TRIM64C: variants seen among roughly 807,000 people sequenced by gnomAD.
TRIM64C encodes the protein tripartite motif-containing protein 64C.
Under a neutral mutation model 36.1 loss-of-function variants are expected in TRIM64C, and 25 were observed. The ratio of observed to expected loss-of-function variants is 0.69; its 90% CI spans 0.51 to 0.97. The LOEUF (loss-of-function observed/expected upper bound fraction) is 0.97, where lower values mean the gene tolerates loss of function less well. TRIM64C is among the 50% of genes least tolerant of loss of function. TRIM64C has a pLI of 0.00. For synonymous variants in TRIM64C, 212 were observed against 185.7 expected (o/e 1.14, Z -1.15); for missense variants, 489 against 536.8 (o/e 0.91, Z 0.88).
chr11:49,058,281 A>G (rs1266162948), intron 1 of TRIM64C, 109 bp from the exon 2 acceptor site: 2 of 803,214 alleles, frequency 2.5e-6, no homozygotes, highest in Non-Finnish European at 3.8e-6. Context: ...GTTAGAGTGG[A>G]GTGGTCAGAT....
At chr11:49,054,318 C>G in intron 5 of TRIM64C, 111 bp from the exon 6 acceptor site, 1 of 1,276,196 alleles carries the variant, frequency 7.8e-7, no homozygotes, top group South Asian at 1.6e-5. Context: ...AAAAAGGAAA[C>G]CAAGAGAGTT....
Position 49,057,316 on chromosome 11 carries a change from G to A in TRIM64C, c.570C>T (p.Leu190=), listed in dbSNP as rs546082510. 1.7e-5 allele frequency: 27 copies of A among 1,549,524 alleles called. No homozygotes were observed. The highest frequency in any genetic ancestry group is 1.1e-4 in the African/African-American group (8 of 72,506). ...TIQYQKMHIF[L]DEEEQRHLQA... is the part of the protein sequence containing the mutation. ...GCAGATGCCGTTGCTCCTCCTCATCGAGAAATATATGCATCTTTTGATACT... is the reference window on the plus strand; with the variant it reads ...GCAGATGCCGTTGCTCCTCCTCATCAAGAAATATATGCATCTTTTGATACT... Residue 190 remains leucine, a synonymous_variant, in exon 3 of 6, where the codon CTC becomes CTT. Transcript: ENST00000617704.
In TRIM64C at chr11:49,053,756, G is replaced by A. The variant is rs1007201581; in HGVS notation, c.1311C>T (p.Phe437=). The A allele has an allele frequency of 1.7e-5, 27 of 1,549,622 alleles. No individual in the cohort carries two copies. The highest frequency in any genetic ancestry group is 2.1e-5 in the Non-Finnish European group (24 of 1,146,336). Reference sequence around the variant, plus strand: ...AAAAGAAAGGCCTCAGAGGGGAAGAGAAGGAGGAAGGAGGAAAACCATAGA... The same window carrying A: ...AAAAGAAAGGCCTCAGAGGGGAAGAAAAGGAGGAAGGAGGAAAACCATAGA... ...SLIYGFPPSS[F]SSPLRPFFCF... The change falls in exon 6 of 6, where the codon TTC becomes TTT. Residue 437 remains phenylalanine, a synonymous_variant. Transcript: ENST00000617704.
Position 49,058,811 on chromosome 11 carries a change from A to G in TRIM64C, c.302T>C (p.Leu101Pro). 6.5e-7 allele frequency: 1 copy of G among 1,549,128 alleles called. No individual in the cohort carries two copies. Among genetic ancestry groups the G allele is most frequent in the Non-Finnish European group, 8.7e-7 (1 of 1,146,826 alleles). Residue 101 changes from leucine to proline, a missense_variant, in exon 1 of 6, where the codon CTC becomes CCC. Leu to Pro is a moderately conservative substitution (Grantham distance 98, BLOSUM62 -3). Transcript: ENST00000617704. Reference protein sequence around the residue: ...ICVLHEETKELFCEADKRLLC... With the variant: ...ICVLHEETKEPFCEADKRLLC... The stretch of plus-strand genomic sequence containing the variant: ...CAATCTCTTGTCAGCCTCACAGAAG[A>G]GCTCCTTAGTCTCCTCATGGAGCAC...
In TRIM64C at chr11:49,053,961, A is replaced by T. The variant is rs1327232520; in HGVS notation, c.1106T>A (p.Val369Asp). 1 of 1,551,612 alleles carries T rather than the reference A, an allele frequency of 6.4e-7. No homozygotes were observed. The highest frequency in any genetic ancestry group is 1.2e-5 in the South Asian group (1 of 84,058). Residue 369 changes from valine (V) to aspartate (D), a missense_variant, in exon 6 of 6, where the codon GTT (valine) becomes GAT (aspartate). By Grantham distance (152) the Val-to-Asp change is radical. Coordinates refer to ENST00000617704, the MANE Select transcript of TRIM64C (RefSeq NM_001206631.1). ...RDSRTADTNI[V>D]IDSDKTFFSI... is the part of the protein sequence containing the mutation. ...AAAAAATGTTTTGTCAGAATCAATA[A>T]CTATATTGGTATCTGCTGTCCTAGA...
rs1554971367 is a variant in TRIM64C, at chr11:49,055,411, C to CCA, written c.762-5_762-4insTG. ...TGGCATCTGTGCCAAATCAGTTCTG[C>CCA]AAAAAAAAAATGGCCTCAGTTATAT... On this transcript the variant is annotated splice_region_variant and splice_polypyrimidine_tract_variant and intron_variant, in intron 4 of 5. Transcript: ENST00000617704. 1.3e-5 allele frequency: 19 copies of CCA among 1,409,912 alleles called. No individual in the cohort carries two copies. Among genetic ancestry groups the CCA allele is most frequent in the African/African-American group, 2.9e-5 (2 of 69,208 alleles). The allele number at this position is 1,409,912 out of a possible 1,614,324, so 87.3% of individuals were successfully genotyped here.
chr11:49,054,017 G>A lies in TRIM64C; in HGVS notation c.1050C>T (p.Ser350=). ...GACAGACTCCCAGAATCCAGTTGGAGGAGTGGGTCACATCCACTTCCCAGT... is the reference window on the plus strand; with the variant it reads ...GACAGACTCCCAGAATCCAGTTGGAAGAGTGGGTCACATCCACTTCCCAGT... ...KHYWEVDVTH[S]SNWILGVCRD... is the part of the protein sequence containing the mutation. Residue 350 remains serine (S), a synonymous_variant, in exon 6 of 6, where the codon TCC becomes TCT. Transcript: ENST00000617704. The A allele has an allele frequency of 6.4e-7, 1 of 1,551,598 alleles. No homozygotes were observed.
In TRIM64C at chr11:49,053,850, C is replaced by T. The variant is rs1310349366; in HGVS notation, c.1217G>A (p.Trp406Ter). ...ATCATAATCCAGAAACACCCCAACC[C>T]AACCCAGAGGCCTTTGCACATACTG... ...LIQYVQRPLG[W>*]VGVFLDYDNG... The change falls in exon 6 of 6, where the codon TGG (tryptophan) becomes TAG (stop). Residue 406 changes from tryptophan (W) to a stop codon, truncating the protein, a stop_gained. Coordinates refer to ENST00000617704, the MANE Select transcript of TRIM64C (RefSeq NM_001206631.1). LOFTEE classifies it low-confidence loss of function (END_TRUNC). The T allele has an allele frequency of 6.4e-7, 1 of 1,551,764 alleles. No individual in the cohort carries two copies. Among genetic ancestry groups the T allele is most frequent in the East Asian group, 2.4e-5 (1 of 40,910 alleles).
In TRIM64C at chr11:49,056,395, A is replaced by T. The variant is rs770788846; in HGVS notation, c.739-14T>A. The T allele has an allele frequency of 2.0e-6, 3 of 1,533,886 alleles. No homozygotes were observed. The highest frequency in any genetic ancestry group is 1.2e-5 in the South Asian group (1 of 83,122). Reference sequence around the variant, plus strand: ...ATTTCCCACATCCTGCAAAAAAAATAAAATGTAATGTTAATTATGAGAGAT... The same window carrying T: ...ATTTCCCACATCCTGCAAAAAAAATTAAATGTAATGTTAATTATGAGAGAT... On this transcript the variant is annotated splice_polypyrimidine_tract_variant and intron_variant, in intron 3 of 5. Transcript: ENST00000617704.
chr11:49,054,221 A>T lies in TRIM64C; in HGVS notation c.860-14T>A. On this transcript the variant is annotated splice_polypyrimidine_tract_variant and intron_variant, in intron 5 of 5. Transcript: ENST00000617704. ...GAGCATTATCCACTGACAAGGAAAA[A>T]ATATTATATTAGTGAGTGCTATGAG... 4 of 1,549,836 alleles carry T rather than the reference A, an allele frequency of 2.6e-6. No homozygotes were observed. The highest frequency in any genetic ancestry group is 3.5e-6 in the Non-Finnish European group (4 of 1,146,006).
rs537045579 is a variant in TRIM64C at position 49,058,962 on chromosome 11, G to T, written c.151C>A (p.Arg51Ser). 2.6e-6 allele frequency: 4 copies of T among 1,551,266 alleles called. No homozygotes were observed. Among genetic ancestry groups the T allele is most frequent in the Non-Finnish European group, 3.5e-6 (4 of 1,146,916 alleles). Residue 51 changes from arginine to serine, a missense_variant, in exon 1 of 6, where the codon CGC becomes AGC. Arg to Ser is a moderately radical substitution (Grantham distance 110). Transcript: ENST00000617704. ...GAGATTTTTCTGCACAAAGGGCAGC[G>T]CATTGGTGCTCTGCCTTCTTCTGAG... ...LCSEEGRAPM[R>S]CPLCRKISEK...
intron 3 of TRIM64C, among the ~76,000 whole-genome samples, chr11:49,056,675 A>T (rs1208076515): frequency 1.3e-5 from 2 of 151,914 alleles, no homozygotes; most frequent in Non-Finnish European, 2.9e-5. Flanking sequence ...AGGTCTGACC[A>T]CACATGACAA....
rs1590645512 is a variant in TRIM64C at position 49,058,989 on chromosome 11, A to G, written c.124T>C (p.Cys42Arg). The change falls in exon 1 of 6, where the codon TGC becomes CGC. Residue 42 changes from cysteine to arginine, a missense_variant. Cys to Arg is a radical substitution (Grantham distance 180). Coordinates refer to ENST00000617704, the MANE Select transcript of TRIM64C (RefSeq NM_001206631.1). ...HSFCRPCLCL[C>R]SEEGRAPMRC... ...ATTGGTGCTCTGCCTTCTTCTGAGC[A>G]GAGGCAGAGGCAGGGCCTGCAAAAG... 2.1e-5 allele frequency: 33 copies of G among 1,551,402 alleles called. No homozygotes were observed. The East Asian group carries it at 7.6e-4, about 36-fold the overall frequency.
intron 4 of TRIM64C, 119 bp from the exon 5 acceptor site, chr11:49,055,526 C>G: frequency 7.4e-7 from 1 of 1,345,268 alleles, no homozygotes. Context: ...TTTTGGTTAA[C>G]TGGATGTACA....
intron 2 of TRIM64C, chr11:49,057,662 AT>A: frequency 2.0e-6 from 1 of 489,294 alleles, no homozygotes; most frequent in Non-Finnish European, 3.6e-6. Context: ...CTCTTTCAGG[AT>A]TTTTCCATGT....
rs1449516054 is a variant in TRIM64C at position 49,053,781 on chromosome 11, A to G, written c.1286T>C (p.Ile429Thr). ...SFFDVSKGSL[I>T]YGFPPSSFSS... Reference sequence around the variant, plus strand: ...GAAGGAGGAAGGAGGAAAACCATAGATAAGAGAACCTTTAGAAACATCAAA... The same window carrying G: ...GAAGGAGGAAGGAGGAAAACCATAGGTAAGAGAACCTTTAGAAACATCAAA... Residue 429 changes from isoleucine (I) to threonine (T), a missense_variant, in exon 6 of 6, where the codon ATC becomes ACC. Physicochemically the swap from Ile to Thr is moderately conservative, Grantham distance 89. Coordinates refer to ENST00000617704, the MANE Select transcript of TRIM64C (RefSeq NM_001206631.1). 5.8e-6 allele frequency: 9 copies of G among 1,551,546 alleles called. 1 individual carries two copies. The highest frequency in any genetic ancestry group is 1.2e-5 in the South Asian group (1 of 84,050).
rs1854779360 is a variant in TRIM64C, at chr11:49,053,943, G to A, written c.1124C>T (p.Thr375Ile). 1 of 1,551,572 alleles carries A rather than the reference G, an allele frequency of 6.4e-7. No individual in the cohort carries two copies. The highest frequency in any genetic ancestry group is 8.7e-7 in the Non-Finnish European group (1 of 1,146,840). Residue 375 changes from threonine to isoleucine, a missense_variant, in exon 6 of 6, where the codon ACA becomes ATA. Coordinates refer to ENST00000617704, the MANE Select transcript of TRIM64C (RefSeq NM_001206631.1). Reference sequence around the variant, plus strand: ...CGTCTTTGAAGAAATTGAAAAAAATGTTTTGTCAGAATCAATAACTATATT... The same window carrying A: ...CGTCTTTGAAGAAATTGAAAAAAATATTTTGTCAGAATCAATAACTATATT... The part of the protein sequence containing the change: ...DTNIVIDSDK[T>I]FFSISSKTSN...
At chr11:49,056,008 C>A (rs1216145577) in intron 4 of TRIM64C, among the ~76,000 whole-genome samples, 3 of 149,494 alleles carry the variant, frequency 2.0e-5, no homozygotes, top group Admixed American at 6.7e-5. Flanking sequence ...GAATATCTCT[C>A]CTCGATCTGT....
chr11:49,056,236 T>A, intron 4 of TRIM64C, 123 bp downstream of exon 4: 1 of 748,752 alleles, frequency 1.3e-6, no homozygotes, highest in East Asian at 2.9e-5. Context: ...TCTCAGGCCC[T>A]CTTTTGAAAC....
Sources: gnomAD v4.1 joint callset for allele counts (sites outside exome capture counted in the v4.1 genomes callset) on GRCh38, gnomAD v4.1.1 for gene constraint, MANE v1.5 for transcripts, NCBI Gene and HGNC (gene_info 2026-07-23, HGNC 2026-07-21) for gene names.